Variants in REV1 observed in about 807,000 individuals in gnomAD.
REV1 encodes translesion synthesis protein REV1.
In REV1, 42 loss-of-function variants were observed where a neutral mutation model predicts 137.4. That is an observed-to-expected ratio of 0.31 (90% confidence interval 0.24 to 0.40). The LOEUF is 0.40. Among genes scored for constraint, REV1 ranks in the 10% least tolerant of loss-of-function variants. REV1 has a pLI of 1.00. For missense variants in REV1, 1,282 were observed against 1,490.1 expected (o/e 0.86, Z 2.30); for synonymous variants, 524 against 519.2 (o/e 1.01, Z -0.12).
intron 3 of REV1, among the ~76,000 whole-genome samples, chr2:99,458,454 G>T (rs917449907): frequency 2.6e-5 from 4 of 152,192 alleles, no homozygotes; most frequent in African/African-American, 9.7e-5. Context: ...AGGATGCAAA[G>T]AAAGTTGATC....
chr2:99,477,863 C>G (rs748951586), intron 1 of REV1, among the ~76,000 whole-genome samples: 2 of 152,124 alleles, frequency 1.3e-5, no homozygotes, highest in Non-Finnish European at 2.9e-5. Context: ...CTTCCTGAAA[C>G]AACGACTAAT....
intron 1 of REV1, among the ~76,000 whole-genome samples, chr2:99,470,283 GTTGA>G (rs143579999): frequency 1.1e-3 from 174 of 152,220 alleles, no homozygotes; most frequent in African/African-American, 4.1e-3. Context: ...TCTAAAGTCT[GTTGA>G]TTAACTAATG....
At chr2:99,424,991 GGAAT>G in intron 9 of REV1, 1 of 862,894 alleles carries the variant, frequency 1.2e-6, no homozygotes, top group Non-Finnish European at 1.5e-6. Flanking sequence ...CTATAATTAT[GGAAT>G]TATACATAAT....
intron 3 of REV1, among the ~76,000 whole-genome samples, chr2:99,452,110 G>C (rs1682993580): frequency 6.6e-6 from 1 of 151,958 alleles, no homozygotes; most frequent in South Asian, 2.1e-4. Context: ...CTTTAATTCA[G>C]CAGATGTGGG....
At chr2:99,417,589 G>A (rs1225734644) in intron 12 of REV1, among the ~76,000 whole-genome samples, 1 of 152,202 alleles carries the variant, frequency 6.6e-6, no homozygotes, top group Non-Finnish European at 1.5e-5. Context: ...GCCATGTGAA[G>A]ACACAGGGAG....
chr2:99,466,011 G>A (rs959726760), intron 1 of REV1, among the ~76,000 whole-genome samples: 3 of 151,950 alleles, frequency 2.0e-5, no homozygotes, highest in Admixed American at 6.6e-5. Context: ...GCGCAATCTC[G>A]GCTCACTGCA....
chr2:99,457,619 AG>A (rs1041093378), intron 3 of REV1, among the ~76,000 whole-genome samples: 4 of 151,588 alleles, frequency 2.6e-5, no homozygotes, highest in Admixed American at 2.6e-4. Context: ...AGGGAGGCAG[AG>A]GGTGCGGTAA....
At position 99,402,244 on chromosome 2, in the gene REV1, C is replaced by T; in HGVS notation, c.3644G>A (p.Arg1215Lys). The change falls in exon 22 of 23, where the codon AGG becomes AAG. Residue 1215 changes from arginine to lysine, a missense_variant and splice_region_variant. By Grantham distance (26) the Arg-to-Lys change is conservative. This residue lies in a region of REV1 where 43 missense variants were observed against 79.1 expected (regional missense o/e 0.54). Coordinates refer to ENST00000258428, the MANE Select transcript of REV1 (RefSeq NM_016316.4). ...TTTGATAAAAGTGATGAATTACTAC[C>T]TTTTCATGTATTTTATAACTAGATC... is the stretch of plus-strand genomic sequence containing the variant. ...KLDLVIKYMK[R>K]LMQQSVESVW... 8.2e-7 allele frequency: 1 copy of T among 1,213,126 alleles called. No homozygotes were observed. The highest frequency in any genetic ancestry group is 1.2e-6 in the Non-Finnish European group (1 of 841,748). The allele number at this position is 1,213,126 out of a possible 1,614,324, so 75.1% of individuals were successfully genotyped here.
At chr2:99,408,188 T>C in intron 14 of REV1, 57 bp from the exon 15 acceptor site, 1 of 954,888 alleles carries the variant, frequency 1.0e-6, no homozygotes, top group Non-Finnish European at 1.6e-6. Context: ...TCACTAGTAC[T>C]AAAGTAGTAT....
chr2:99,465,823 T>A (rs1307575881), intron 1 of REV1, among the ~76,000 whole-genome samples: 1 of 152,240 alleles, frequency 6.6e-6, no homozygotes. Flanking sequence ...AAGCCTTATA[T>A]ATTATCCACG....
At chr2:99,421,218 G>A (rs1285524797) in intron 11 of REV1, among the ~76,000 whole-genome samples, 2 of 151,426 alleles carry the variant, frequency 1.3e-5, no homozygotes, top group African/African-American at 2.4e-5. Context: ...TACGGTTTCC[G>A]TTCACTTTTG....
chr2:99,440,154 C>T (rs28382878), intron 5 of REV1, among the ~76,000 whole-genome samples: 1 of 152,228 alleles, frequency 6.6e-6, no homozygotes, highest in Non-Finnish European at 1.5e-5. Context: ...AATGCAGAAC[C>T]CATGACAAAT....
chr2:99,406,900 G>C (rs1001971798), intron 15 of REV1: 2 of 152,818 alleles, frequency 1.3e-5, no homozygotes, highest in African/African-American at 4.8e-5. Context: ...AAAAATATTG[G>C]CGGGAGTGAT....
intron 3 of REV1, among the ~76,000 whole-genome samples, chr2:99,458,494 T>C (rs1258896980): frequency 6.6e-6 from 1 of 152,180 alleles, no homozygotes; most frequent in East Asian, 1.9e-4. Context: ...GAGTATAAAA[T>C]ACTACAACCA....
intron 4 of REV1, among the ~76,000 whole-genome samples, chr2:99,442,980 A>AT (rs1681705463): frequency 6.6e-6 from 1 of 152,320 alleles, no homozygotes; most frequent in East Asian, 1.9e-4. Flanking sequence ...TCCTCACAGC[A>AT]TATCACACAA....
intron 13 of REV1, among the ~76,000 whole-genome samples, chr2:99,411,342 T>C (rs1348433246): frequency 6.6e-6 from 1 of 151,664 alleles, no homozygotes; most frequent in Non-Finnish European, 1.5e-5. Context: ...AACTATTAAA[T>C]ACAAATACCC....
intron 1 of REV1, among the ~76,000 whole-genome samples, chr2:99,467,523 G>C (rs1159097255): frequency 6.6e-6 from 1 of 152,164 alleles, no homozygotes; most frequent in African/African-American, 2.4e-5. Flanking sequence ...CCCCAAACCA[G>C]ATTATTTTTC....
chr2:99,445,398 A>G (rs1682067351), intron 4 of REV1, among the ~76,000 whole-genome samples: 1 of 152,234 alleles, frequency 6.6e-6, no homozygotes, highest in Non-Finnish European at 1.5e-5. Context: ...TCAACTCCCA[A>G]CAGATCTATG....
chr2:99,484,881 A>T (rs1171315876), intron 1 of REV1, among the ~76,000 whole-genome samples: 1 of 152,198 alleles, frequency 6.6e-6, no homozygotes, highest in African/African-American at 2.4e-5. Flanking sequence ...TTTCTTGTGT[A>T]ACCAGCCAAA....
Sources: allele counts gnomAD v4.1 joint callset (sites outside exome capture counted in the v4.1 genomes callset), GRCh38; gene constraint gnomAD v4.1.1; regional missense constraint gnomAD v4.1.1; transcripts MANE v1.5; gene names NCBI Gene and HGNC (gene_info 2026-07-23, HGNC 2026-07-21).